Variants in AOPEP observed in about 807,000 individuals in gnomAD.
AOPEP encodes aminopeptidase O.
Under a neutral mutation model 98.1 loss-of-function variants are expected in AOPEP, and 77 were observed. The observed-to-expected ratio is 0.78, with a 90% CI of 0.65 to 0.95. The LOEUF (loss-of-function observed/expected upper bound fraction) is 0.95. Ranked by LOEUF, AOPEP falls within the 40% of genes least tolerant of loss-of-function variation. AOPEP has a pLI of 0.00. For synonymous variants in AOPEP, 346 were observed against 365.3 expected (o/e 0.95, Z 0.60); for missense variants, 1,024 against 1,024.7 (o/e 1.00, Z 0.01).
the AOPEP span, chr9:95,123,775 G>C: frequency 1.1e-4 from 78 of 700,118 alleles, no homozygotes; most frequent in African/African-American, 1.3e-3. Context: ...AAGTAGTCAG[G>C]AATCGATCTT....
chr9:95,084,402 G>A (rs569665376), intron 16 of AOPEP, among the ~76,000 whole-genome samples: 1 of 152,224 alleles, frequency 6.6e-6, no homozygotes, highest in South Asian at 2.1e-4. Context: ...GGGACTGAGC[G>A]TCTCGTAGCG....
intron 5 of AOPEP, among the ~76,000 whole-genome samples, chr9:94,890,646 C>A (rs2048780615): frequency 6.6e-6 from 1 of 152,120 alleles, no homozygotes; most frequent in Non-Finnish European, 1.5e-5. Context: ...CTCCACATTG[C>A]TTTAGCTGCA....
chr9:94,894,509 C>A (rs577659566), intron 5 of AOPEP, among the ~76,000 whole-genome samples: 1 of 151,994 alleles, frequency 6.6e-6, no homozygotes, highest in Non-Finnish European at 1.5e-5. Context: ...AAAATTGATA[C>A]CGAATGAATT....
At chr9:94,738,250 A>G (rs1437698049) in intron 1 of AOPEP, among the ~76,000 whole-genome samples, 2 of 152,172 alleles carry the variant, frequency 1.3e-5, no homozygotes, top group Non-Finnish European at 2.9e-5. Flanking sequence ...TTCTGAATTC[A>G]CTGAATTCCC....
intron 5 of AOPEP, among the ~76,000 whole-genome samples, chr9:94,897,368 C>T (rs1564342258): frequency 1.3e-5 from 2 of 152,126 alleles, no homozygotes; most frequent in East Asian, 3.9e-4. Flanking sequence ...ACATCCGATT[C>T]ACAATTTGGA....
chr9:94,880,291 C>T (rs950991098), intron 5 of AOPEP, among the ~76,000 whole-genome samples: 1 of 151,890 alleles, frequency 6.6e-6, no homozygotes. Context: ...TGAGAAACCC[C>T]TATTGTTTAT....
intron 16 of AOPEP, chr9:95,085,917 CTT>C: frequency 1.6e-6 from 2 of 1,248,910 alleles, no homozygotes; most frequent in Non-Finnish European, 2.1e-6. Context: ...TGAACTCTCT[CTT>C]GTATTTGCAG....
chr9:95,075,765 T>C (rs1427457257), intron 14 of AOPEP, among the ~76,000 whole-genome samples: 1 of 152,198 alleles, frequency 6.6e-6, no homozygotes, highest in Non-Finnish European at 1.5e-5. Flanking sequence ...TACATTCCTG[T>C]AGTCCTAGCT....
rs182757571 is a variant in AOPEP, at chr9:94,950,087, A to G, written c.1662-5090A>G. On this transcript the variant is annotated intron_variant, in intron 7 of 16. Coordinates refer to ENST00000375315, the MANE Select transcript of AOPEP (RefSeq NM_001193329.3). ...TGTCATTAAAACCTTTTCATTTTGG[A>G]ATAGGTTTAGACTCCCAAGAAATTA... Among the ~76,000 whole-genome samples the G allele has an allele frequency of 1.5e-3, 234 of 152,260 alleles. 2 individuals carry two copies. The highest frequency in any genetic ancestry group is 5.5e-3 in the African/African-American group (228 of 41,544).
chr9:95,076,978 G>C (rs1279150187), intron 14 of AOPEP, among the ~76,000 whole-genome samples: 1 of 150,534 alleles, frequency 6.6e-6, no homozygotes, highest in Admixed American at 6.6e-5. Flanking sequence ...TTAAAGTTCA[G>C]ATCTCCAGTG....
At chr9:95,117,452 T>C in the AOPEP span, 9 of 1,402,086 alleles carry the variant, frequency 6.4e-6, no homozygotes, top group Admixed American at 9.2e-5. Flanking sequence ...GTCAGGAAAA[T>C]ACAAAACTCT....
intron 5 of AOPEP, among the ~76,000 whole-genome samples, chr9:94,854,179 C>A (rs529093440): frequency 6.6e-6 from 1 of 152,048 alleles, no homozygotes; most frequent in African/African-American, 2.4e-5. Context: ...ATATGGTGGA[C>A]GGCAGTATTT....
chr9:94,877,367 G>A (rs895257102), intron 5 of AOPEP, among the ~76,000 whole-genome samples: 1 of 151,904 alleles, frequency 6.6e-6, no homozygotes, highest in Non-Finnish European at 1.5e-5. Flanking sequence ...TATAGCATGC[G>A]GTAAGGGTGT....
chr9:94,728,555 G>T (rs1829806706), intron 1 of AOPEP, among the ~76,000 whole-genome samples: 1 of 152,210 alleles, frequency 6.6e-6, no homozygotes, highest in African/African-American at 2.4e-5. Context: ...AGAAGAGTTA[G>T]AGGGAGATGT....
At chr9:94,820,239 C>G (rs1321023441) in intron 5 of AOPEP, among the ~76,000 whole-genome samples, 1 of 152,104 alleles carries the variant, frequency 6.6e-6, no homozygotes, top group East Asian at 1.9e-4. Flanking sequence ...AGCCACCGCG[C>G]CTGGCCAGTG....
chr9:94,804,295 C>T (rs778839322), intron 5 of AOPEP, among the ~76,000 whole-genome samples: 1 of 152,214 alleles, frequency 6.6e-6, no homozygotes, highest in Non-Finnish European at 1.5e-5. Context: ...ATTTGTCTCT[C>T]AGCAGTTCAC....
chr9:94,851,478 C>T (rs1004426679), intron 5 of AOPEP, among the ~76,000 whole-genome samples: 5 of 152,020 alleles, frequency 3.3e-5, no homozygotes, highest in South Asian at 2.1e-4. Flanking sequence ...TCTAAGAAAA[C>T]GTCTTTTGCC....
chr9:94,878,678 A>G (rs544872469), intron 5 of AOPEP, among the ~76,000 whole-genome samples: 3 of 152,308 alleles, frequency 2.0e-5, no homozygotes, highest in African/African-American at 4.8e-5. Context: ...TATGTTTTCC[A>G]GTGGGAGTGG....
chr9:94,935,328 C>G (rs2056095179), intron 7 of AOPEP: 1 of 152,180 alleles, frequency 6.6e-6, no homozygotes, highest in South Asian at 2.1e-4. Context: ...GAACCGTGAG[C>G]CAATTAAACC....
Sources: allele counts gnomAD v4.1 joint callset (sites outside exome capture counted in the v4.1 genomes callset), GRCh38; gene constraint gnomAD v4.1.1; transcripts MANE v1.5; gene names NCBI Gene and HGNC (gene_info 2026-07-23, HGNC 2026-07-21).